The following SMCO4 variants were observed in gnomAD, a reference collection of about 807,000 sequenced individuals.
The protein encoded by SMCO4 is single-pass membrane protein with coiled-coil domains 4.
Under a neutral mutation model 3.6 loss-of-function variants are expected in SMCO4, and 4 were observed. That is an observed-to-expected ratio of 1.11 (90% confidence interval 0.54 to 2.53). The LOEUF (loss-of-function observed/expected upper bound fraction) is 2.53, where lower values mean the gene tolerates loss of function less well. Ranked by LOEUF, SMCO4 falls within the 30% of genes most tolerant of loss-of-function variation. The pLI is 0.02. For missense variants in SMCO4, 70 were observed against 80.8 expected, an observed-to-expected ratio of 0.87 and a Z score of 0.51; for synonymous variants, 36 against 35.3, an observed-to-expected ratio of 1.02 and a Z score of -0.07.
chr11:93,543,057 G>C (rs1217758301), intron 1 of SMCO4, among the ~76,000 whole-genome samples: 1 of 151,842 alleles, frequency 6.6e-6, no homozygotes, highest in Non-Finnish European at 1.5e-5. Flanking sequence ...GCGAGCTCGA[G>C]TCCCTCGGGC....
chr11:93,529,586 C>T (rs895620510), intron 1 of SMCO4, among the ~76,000 whole-genome samples: 2 of 152,052 alleles, frequency 1.3e-5, no homozygotes, highest in Non-Finnish European at 2.9e-5. Context: ...GAAATCAGGC[C>T]CCCATATAGC....
At chr11:93,546,305 G>A (rs950878356), upstream of SMCO4, among the ~76,000 whole-genome samples, 1 of 152,206 alleles carries the variant, frequency 6.6e-6, no homozygotes, top group Non-Finnish European at 1.5e-5. Flanking sequence ...ATTGGTTACT[G>A]AGCCTAGTAC....
At chr11:93,542,189 C>A (rs1488164545) in intron 1 of SMCO4, among the ~76,000 whole-genome samples, 1 of 152,022 alleles carries the variant, frequency 6.6e-6, no homozygotes, top group Non-Finnish European at 1.5e-5. Flanking sequence ...AAGCATCCAG[C>A]ACCTCCAGAA....
chr11:93,523,615 T>C (rs12792233), intron 1 of SMCO4, among the ~76,000 whole-genome samples: 6,368 of 152,098 alleles, frequency 0.042, 345 homozygotes, highest in East Asian at 0.14. Flanking sequence ...GCTGAGATCA[T>C]GCCACCGCAC....
In SMCO4 at chr11:93,533,029, G is replaced by C. The variant is rs1024870297; in HGVS notation, c.-154+10247C>G. Among the ~76,000 whole-genome samples the C allele has an allele frequency of 7.2e-5, 11 of 152,298 alleles. 1 individual carries two copies. The highest frequency in any genetic ancestry group is 2.2e-4 in the African/African-American group (9 of 41,574). ...GGAGGATAAGCTTAAAGGCAGGCAGGGGTGCTATACTAATCCCAGAGGGCC... is the reference window on the plus strand; with the variant it reads ...GGAGGATAAGCTTAAAGGCAGGCAGCGGTGCTATACTAATCCCAGAGGGCC... On this transcript the variant is annotated intron_variant, in intron 1 of 2. Transcript: ENST00000298966.
intron 1 of SMCO4, among the ~76,000 whole-genome samples, chr11:93,514,584 C>T (rs908981857): frequency 1.3e-4 from 20 of 151,660 alleles, no homozygotes; most frequent in East Asian, 1.9e-4. Flanking sequence ...TTTTTCCATA[C>T]GTACATGATT....
At chr11:93,528,215 TG>T (rs1240535662) in intron 1 of SMCO4, among the ~76,000 whole-genome samples, 1 of 152,220 alleles carries the variant, frequency 6.6e-6, no homozygotes, top group Non-Finnish European at 1.5e-5. Flanking sequence ...TTAACAAATT[TG>T]GAATGTAATT....
At chr11:93,545,877 A>C (rs1467525228), upstream of SMCO4, among the ~76,000 whole-genome samples, 5 of 152,160 alleles carry the variant, frequency 3.3e-5, no homozygotes, top group Admixed American at 1.3e-4. Context: ...TGCTTTCTTG[A>C]AATGCTATCC....
At chr11:93,540,447 C>T (rs1177778414) in intron 1 of SMCO4, among the ~76,000 whole-genome samples, 1 of 152,246 alleles carries the variant, frequency 6.6e-6, no homozygotes, top group Non-Finnish European at 1.5e-5. Context: ...CTTCACCACA[C>T]TGCTTCCAGA....
At chr11:93,552,576 A>G in the SMCO4 span, among the ~76,000 whole-genome samples, 20,324 of 151,192 alleles carry the variant, frequency 0.13, 1,824 homozygotes, top group African/African-American at 0.25. Flanking sequence ...GGTTCAAGCG[A>G]TTCTCCTGCC....
At chr11:93,533,655 T>G (rs1173564574) in intron 1 of SMCO4, among the ~76,000 whole-genome samples, 1 of 152,144 alleles carries the variant, frequency 6.6e-6, no homozygotes, top group Non-Finnish European at 1.5e-5. Flanking sequence ...GGGGCTCTGA[T>G]GTGCACAAAG....
At chr11:93,481,568 G>A (rs138558610) in intron 2 of SMCO4, 2 of 963,286 alleles carry the variant, frequency 2.1e-6, no homozygotes, top group African/African-American at 3.5e-5. Context: ...AGACAGACAG[G>A]CTTTATTATC....
Position 93,522,681 on chromosome 11 carries a change from G to A in SMCO4, c.-154+20595C>T, listed in dbSNP as rs117421043. 3.3e-3 allele frequency among the ~76,000 whole-genome samples: 509 copies of A among 152,322 alleles called. 1 individual carries two copies. Among genetic ancestry groups the A allele is most frequent in the Non-Finnish European group, 5.1e-3 (344 of 68,030 alleles). On this transcript the variant is annotated intron_variant, in intron 1 of 2. Transcript: ENST00000298966. ...GGTAAACAGGTAACTGTAACTGACC[G>A]CACCAGGTGGTATAACATAAGTCTG... is the stretch of plus-strand genomic sequence containing the variant.
chr11:93,544,381 G>A (rs964878299), upstream of SMCO4, among the ~76,000 whole-genome samples: 1 of 152,098 alleles, frequency 6.6e-6, no homozygotes, highest in African/African-American at 2.4e-5. Flanking sequence ...AGGCCAGCCC[G>A]GGGAGCAAGG....
intron 1 of SMCO4, among the ~76,000 whole-genome samples, chr11:93,516,060 T>C (rs1949005145): frequency 6.6e-6 from 1 of 152,224 alleles, no homozygotes; most frequent in Non-Finnish European, 1.5e-5. Flanking sequence ...TCCTATTACA[T>C]GGCTGCAATT....
chr11:93,519,412 C>T (rs1312754775), intron 1 of SMCO4, among the ~76,000 whole-genome samples: 2 of 152,188 alleles, frequency 1.3e-5, no homozygotes, highest in Non-Finnish European at 2.9e-5. Flanking sequence ...AGTGACTTGG[C>T]AGCATTCACT....
intron 1 of SMCO4, among the ~76,000 whole-genome samples, chr11:93,512,321 C>A (rs1948965041): frequency 6.6e-6 from 1 of 152,108 alleles, no homozygotes; most frequent in Admixed American, 6.5e-5. Context: ...GATGTCATGG[C>A]CATCATAAAA....
chr11:93,550,576 G>A, the SMCO4 span, among the ~76,000 whole-genome samples: 1 of 152,210 alleles, frequency 6.6e-6, no homozygotes, highest in Non-Finnish European at 1.5e-5. Flanking sequence ...TTGGGGGGCT[G>A]AGGCAGGAGG....
chr11:93,545,767 G>A (rs995164534), upstream of SMCO4, among the ~76,000 whole-genome samples: 9 of 152,238 alleles, frequency 5.9e-5, no homozygotes, highest in Middle Eastern at 3.4e-3. Context: ...TCCCTCCCAC[G>A]TTGACCCTGG....
Sources: gnomAD v4.1 joint callset for allele counts (sites outside exome capture counted in the v4.1 genomes callset) on GRCh38, gnomAD v4.1.1 for gene constraint, MANE v1.5 for transcripts, NCBI Gene and HGNC (gene_info 2026-07-23, HGNC 2026-07-21) for gene names.